CSMD1: variants seen among roughly 807,000 people sequenced by gnomAD.
CSMD1 encodes the protein CUB and sushi domain-containing protein 1.
Under a neutral mutation model 417.5 loss-of-function variants are expected in CSMD1, and 213 were observed. That is an observed-to-expected ratio of 0.51 (90% CI 0.46 to 0.57). CSMD1 has a LOEUF of 0.57. CSMD1 is among the 20% of genes least tolerant of loss of function. The probability of loss-of-function intolerance (pLI) is 0.00; values close to 1 mark genes in which losing one functional copy is unlikely to be tolerated. For missense variants in CSMD1, 6,923 were observed against 4,529.7 expected (o/e 1.53, Z -15.17); for synonymous variants, 2,862 against 1,736.8 (o/e 1.65, Z -16.11).
intron 5 of CSMD1, among the ~76,000 whole-genome samples, chr8:3,914,094 G>T (rs144904716): frequency 6.6e-6 from 1 of 152,194 alleles, no homozygotes. Flanking sequence ...TTTGAATTAT[G>T]TAAGTGCCTT....
At chr8:4,712,127 T>C (rs1808344176) in intron 1 of CSMD1, among the ~76,000 whole-genome samples, 1 of 152,190 alleles carries the variant, frequency 6.6e-6, no homozygotes, top group South Asian at 2.1e-4. Flanking sequence ...GGACTGACCG[T>C]GGTTGAAGCT....
intron 3 of CSMD1, among the ~76,000 whole-genome samples, chr8:4,088,160 A>G (rs1267274102): frequency 6.6e-6 from 1 of 152,192 alleles, no homozygotes; most frequent in East Asian, 1.9e-4. Flanking sequence ...CAGTAAAGAC[A>G]TGAATATTCT....
At chr8:4,716,446 A>G (rs1808665101) in intron 1 of CSMD1, among the ~76,000 whole-genome samples, 1 of 152,210 alleles carries the variant, frequency 6.6e-6, no homozygotes, top group Admixed American at 6.5e-5. Flanking sequence ...TTAATATCTG[A>G]AAAACAGAAT....
At chr8:3,196,752 A>T (rs904022927) in intron 33 of CSMD1, among the ~76,000 whole-genome samples, 1 of 152,144 alleles carries the variant, frequency 6.6e-6, no homozygotes, top group Admixed American at 6.5e-5. Context: ...AATGCAGGTC[A>T]CTCATCTCAG....
chr8:3,430,461 A>G (rs1814144560), intron 12 of CSMD1, among the ~76,000 whole-genome samples: 1 of 152,186 alleles, frequency 6.6e-6, no homozygotes. Context: ...ATTAATGTTT[A>G]TCAAGTAGAT....
chr8:4,957,580 A>T (rs1271347395), intron 1 of CSMD1, among the ~76,000 whole-genome samples: 1 of 152,240 alleles, frequency 6.6e-6, no homozygotes, highest in Non-Finnish European at 1.5e-5. Context: ...ACAATTAAAA[A>T]TAATCTTGTG....
chr8:3,632,544 G>T (rs1306766558), intron 7 of CSMD1, among the ~76,000 whole-genome samples: 1 of 152,140 alleles, frequency 6.6e-6, no homozygotes, highest in South Asian at 2.1e-4. Flanking sequence ...GAACAAGTGG[G>T]ATGTCTGGCT....
chr8:4,461,905 T>C (rs1399082875), intron 2 of CSMD1, among the ~76,000 whole-genome samples: 1 of 151,888 alleles, frequency 6.6e-6, no homozygotes, highest in Non-Finnish European at 1.5e-5. Context: ...CACGCCCGGC[T>C]AATTTTTCTG....
At chr8:3,296,749 T>A (rs2117313533) in intron 25 of CSMD1, among the ~76,000 whole-genome samples, 1 of 152,222 alleles carries the variant, frequency 6.6e-6, no homozygotes, top group East Asian at 1.9e-4. Context: ...GCCCTGTAGG[T>A]TTGTCCCTCA....
chr8:4,159,701 G>C (rs1213538682), intron 3 of CSMD1, among the ~76,000 whole-genome samples: 1 of 152,262 alleles, frequency 6.6e-6, no homozygotes, highest in East Asian at 1.9e-4. Flanking sequence ...CCATTCTCCT[G>C]CCTCAGCCTC....
At chr8:3,678,387 A>T (rs1799488511) in intron 7 of CSMD1, among the ~76,000 whole-genome samples, 1 of 152,222 alleles carries the variant, frequency 6.6e-6, no homozygotes, top group South Asian at 2.1e-4. Context: ...CTACGTGATG[A>T]ATGCACAAGT....
intron 5 of CSMD1, among the ~76,000 whole-genome samples, chr8:3,906,597 G>A (rs1175793048): frequency 6.6e-6 from 1 of 151,006 alleles, no homozygotes; most frequent in Non-Finnish European, 1.5e-5. Context: ...ATCATAAAAG[G>A]TAATACTCTA....
rs1359396063 is a variant in CSMD1, at chr8:4,898,350, T to G, written c.85+95982A>C. Among the ~76,000 whole-genome samples the G allele has an allele frequency of 2.0e-5, 3 of 151,896 alleles. No individual in the cohort carries two copies. The East Asian group carries it at 5.8e-4, about 29-fold the overall frequency. The stretch of plus-strand genomic sequence containing the variant: ...GTCCATTAGATTTATAATTATTTGT[T>G]GCAATTTCTGTGTCACACCTGCCAT... On this transcript the variant is annotated intron_variant, in intron 1 of 69. Transcript: ENST00000635120.
intron 2 of CSMD1, among the ~76,000 whole-genome samples, chr8:4,584,225 C>T (rs1799587687): frequency 6.6e-6 from 1 of 151,984 alleles, no homozygotes; most frequent in Non-Finnish European, 1.5e-5. Context: ...ACCAAGAACC[C>T]ACCAATTCCG....
intron 40 of CSMD1, among the ~76,000 whole-genome samples, chr8:3,145,810 A>T (rs771704667): frequency 4.7e-4 from 71 of 152,358 alleles, no homozygotes; most frequent in Non-Finnish European, 9.3e-4. Context: ...ACAATAAAAA[A>T]TCTGAATACT....
chr8:3,149,265 G>GA (rs1366884840), intron 40 of CSMD1, among the ~76,000 whole-genome samples: 1 of 151,984 alleles, frequency 6.6e-6, no homozygotes, highest in African/African-American at 2.4e-5. Context: ...AGTAACATTG[G>GA]AAAAATAAGT....
At chr8:4,268,674 T>C (rs1804376796) in intron 3 of CSMD1, among the ~76,000 whole-genome samples, 1 of 151,896 alleles carries the variant, frequency 6.6e-6, no homozygotes, top group South Asian at 2.1e-4. Flanking sequence ...ACATACAAAA[T>C]AAGGAAGATA....
chr8:4,895,766 C>G lies in CSMD1; in HGVS notation c.85+98566G>C, dbSNP rs555975433. Reference sequence around the variant, plus strand: ...CTAGTAATTAACCAAAGATATTAAACTTTACCAAAGTAAATTTAAAATCAA... The same window carrying G: ...CTAGTAATTAACCAAAGATATTAAAGTTTACCAAAGTAAATTTAAAATCAA... On this transcript the variant is annotated intron_variant, in intron 1 of 69. Coordinates refer to ENST00000635120, the MANE Select transcript of CSMD1 (RefSeq NM_033225.6). 3.3e-5 allele frequency among the ~76,000 whole-genome samples: 5 copies of G among 151,946 alleles called. No individual in the cohort carries two copies. In the South Asian group the frequency reaches 1.0e-3, roughly 32 times the overall value.
At chr8:3,878,387 G>A (rs1805974211) in intron 5 of CSMD1, among the ~76,000 whole-genome samples, 1 of 152,038 alleles carries the variant, frequency 6.6e-6, no homozygotes, top group Admixed American at 6.6e-5. Context: ...TCCTGGATTT[G>A]CCTCTAAGAG....
Sources: gnomAD v4.1 joint callset for allele counts (sites outside exome capture counted in the v4.1 genomes callset) on GRCh38, gnomAD v4.1.1 for gene constraint, MANE v1.5 for transcripts, NCBI Gene and HGNC (gene_info 2026-07-23, HGNC 2026-07-21) for gene names.